Variants in TUT4 observed in about 807,000 individuals in gnomAD.
TUT4 encodes terminal uridylyl transferase 4, also known as terminal uridylyltransferase 4.
A neutral mutation model predicts 192.2 loss-of-function variants in TUT4; 36 were observed. That is an observed-to-expected ratio of 0.19 (90% CI 0.14 to 0.25). The LOEUF (loss-of-function observed/expected upper bound fraction) is 0.25. Among genes scored for constraint, TUT4 ranks in the 10% least tolerant of loss-of-function variants. The pLI is 1.00. For synonymous variants in TUT4, 618 were observed against 666.0 expected, an observed-to-expected ratio of 0.93 and a Z score of 1.11; for missense variants, 1,493 against 1,957.2, an observed-to-expected ratio of 0.76 and a Z score of 4.47.
At chr1:52,531,883 ATCTTT>A (rs1683523117) in intron 1 of TUT4, among the ~76,000 whole-genome samples, 1 of 111,866 alleles carries the variant, frequency 8.9e-6, no homozygotes, top group South Asian at 2.7e-4. Context: ...GTCTTTTCTC[ATCTTT>A]TTTTTTTTTT....
chr1:52,494,827 T>C (rs778273586), intron 6 of TUT4, among the ~76,000 whole-genome samples: 34 of 152,260 alleles, frequency 2.2e-4, no homozygotes, highest in African/African-American at 6.3e-4. Context: ...ACATAAAATA[T>C]TGACTTATTT....
At chr1:52,490,856 T>C (rs1464449023) in intron 7 of TUT4, 55 bp from the exon 8 acceptor site, 2 of 1,330,244 alleles carry the variant, frequency 1.5e-6, no homozygotes, top group South Asian at 2.6e-5. Flanking sequence ...ATACGTACTC[T>C]ACAGTAAACA....
intron 1 of TUT4, among the ~76,000 whole-genome samples, chr1:52,532,510 C>T (rs1683756944): frequency 6.6e-6 from 1 of 151,918 alleles, no homozygotes; most frequent in Non-Finnish European, 1.5e-5. Context: ...CAGGGTCTCA[C>T]CATGTTGCCC....
At chr1:52,499,216 T>C (rs1463609820) in intron 4 of TUT4, among the ~76,000 whole-genome samples, 5 of 151,568 alleles carry the variant, frequency 3.3e-5, no homozygotes, top group Admixed American at 2.0e-4. Context: ...CAGGCCAACA[T>C]GGAGAAACCC....
chr1:52,511,672 C>G (rs1030364419), intron 3 of TUT4, among the ~76,000 whole-genome samples: 2 of 152,078 alleles, frequency 1.3e-5, no homozygotes, highest in African/African-American at 4.8e-5. Flanking sequence ...GGCCCTGAGG[C>G]AGGAAGGTAC....
At chr1:52,426,549 A>G (rs1650020589) in intron 28 of TUT4, among the ~76,000 whole-genome samples, 1 of 151,490 alleles carries the variant, frequency 6.6e-6, no homozygotes, top group Non-Finnish European at 1.5e-5. Flanking sequence ...GGGATAGGAA[A>G]GAGTAGGCAG....
rs542596834 is a variant in TUT4, at chr1:52,427,265, G to C, written c.4712-1758C>G. On this transcript the variant is annotated intron_variant, in intron 28 of 29. Transcript: ENST00000257177. ...AAAGTGATCTAAATTTAAAAATGGA[G>C]GATGAGTGAGTTAGCCAAGCTTTGA... Among the ~76,000 whole-genome samples, 5 of 152,246 alleles carry C rather than the reference G, an allele frequency of 3.3e-5. No individual in the cohort carries two copies. The East Asian group carries it at 9.7e-4, about 29-fold the overall frequency.
chr1:52,505,243 T>C (rs371531579), intron 4 of TUT4, among the ~76,000 whole-genome samples: 2 of 152,120 alleles, frequency 1.3e-5, no homozygotes, highest in East Asian at 3.8e-4. Flanking sequence ...TACTTAAGTA[T>C]GATGATAACT....
intron 12 of TUT4, among the ~76,000 whole-genome samples, chr1:52,476,001 C>T (rs1475530732): frequency 6.6e-6 from 1 of 151,984 alleles, no homozygotes; most frequent in African/African-American, 2.4e-5. Flanking sequence ...CACGCCACCA[C>T]GCCCAGCTAA....
intron 1 of TUT4, among the ~76,000 whole-genome samples, chr1:52,527,708 T>C (rs768900781): frequency 2.0e-5 from 3 of 152,108 alleles, no homozygotes; most frequent in Non-Finnish European, 4.4e-5. Context: ...AAGTAAACTA[T>C]AGACACTGGG....
At chr1:52,498,314 T>C (rs1211445700) in intron 4 of TUT4, among the ~76,000 whole-genome samples, 1 of 146,696 alleles carries the variant, frequency 6.8e-6, no homozygotes, top group Non-Finnish European at 1.5e-5. Flanking sequence ...CGATCTCAGC[T>C]CACTGCAGGC....
chr1:52,488,797 C>T (rs1364757531), intron 9 of TUT4, 112 bp downstream of exon 9: 1 of 1,147,972 alleles, frequency 8.7e-7, no homozygotes, highest in Non-Finnish European at 1.2e-6. Flanking sequence ...CTACTTTCTC[C>T]CACATGTTAT....
chr1:52,425,031 G>C (rs780705831), intron 29 of TUT4: 3 of 197,860 alleles, frequency 1.5e-5, no homozygotes, highest in African/African-American at 2.3e-5. Context: ...TCTCTTTCAA[G>C]ATCTAGCTCA....
chr1:52,538,211 G>C (rs1306258037), intron 1 of TUT4, among the ~76,000 whole-genome samples: 1 of 152,130 alleles, frequency 6.6e-6, no homozygotes, highest in Non-Finnish European at 1.5e-5. Flanking sequence ...ACTCCAACCT[G>C]AGCGAAAGAG....
intron 15 of TUT4, among the ~76,000 whole-genome samples, chr1:52,466,035 T>C (rs917614345): frequency 4.6e-5 from 7 of 152,152 alleles, no homozygotes; most frequent in African/African-American, 1.7e-4. Flanking sequence ...TGTGTGCCAC[T>C]GGGCCTGGCT....
At chr1:52,531,062 CAAAT>C (rs914474252) in intron 1 of TUT4, among the ~76,000 whole-genome samples, 3 of 151,804 alleles carry the variant, frequency 2.0e-5, no homozygotes, top group Non-Finnish European at 4.4e-5. Flanking sequence ...TTGGTTGAAA[CAAAT>C]AAAAATAATA....
At chr1:52,461,487 T>C (rs1570552309) in intron 18 of TUT4, 26 bp downstream of exon 18, 1 of 1,587,682 alleles carries the variant, frequency 6.3e-7, no homozygotes, top group Non-Finnish European at 8.6e-7. Flanking sequence ...GAAAAGTATA[T>C]ACATGGCCTA....
intron 2 of TUT4, among the ~76,000 whole-genome samples, chr1:52,522,139 TATC>T (rs1680462139): frequency 2.0e-5 from 3 of 152,180 alleles, no homozygotes; most frequent in South Asian, 4.1e-4. Context: ...ATACTATACA[TATC>T]ATATTATACA....
intron 9 of TUT4, among the ~76,000 whole-genome samples, chr1:52,482,794 T>A (rs745447863): frequency 6.6e-6 from 1 of 152,134 alleles, no homozygotes; most frequent in Non-Finnish European, 1.5e-5. Flanking sequence ...ACGTAACAGT[T>A]CCCCCATTCA....
Sources: gnomAD v4.1 joint callset for allele counts (sites outside exome capture counted in the v4.1 genomes callset) on GRCh38, gnomAD v4.1.1 for gene constraint, MANE v1.5 for transcripts, NCBI Gene and HGNC (gene_info 2026-07-23, HGNC 2026-07-21) for gene names.